The following OC90 variants were observed in gnomAD, a reference collection of about 807,000 sequenced individuals.
The protein encoded by OC90 is otoconin-90.
OC90 carries 46 observed loss-of-function variants against 47.3 expected under a neutral mutation model. That is an observed-to-expected ratio of 0.97 (90% CI 0.77 to 1.24). The LOEUF (loss-of-function observed/expected upper bound fraction) is 1.24. Ranked by LOEUF, OC90 falls within the 50% of genes most tolerant of loss-of-function variation. The pLI is 0.00. For missense variants in OC90, 688 were observed against 583.9 expected, an observed-to-expected ratio of 1.18 and a Z score of -1.84; for synonymous variants, 271 against 219.5, an observed-to-expected ratio of 1.23 and a Z score of -2.07.
rs753089708 is a variant in OC90, at chr8:132,024,706, A to C, written c.1209T>G (p.Ser403=). 20 of 1,613,718 alleles carry C rather than the reference A, an allele frequency of 1.2e-5. No homozygotes were observed. The East Asian group carries it at 4.2e-4, about 34-fold the overall frequency. Reference sequence around the variant, plus strand: ...ACTTGAGGCTTTGGTTAAAGGAGGCAGAGGTCATGCACTCAGCTGCCGTCT... The same window carrying C: ...ACTTGAGGCTTTGGTTAAAGGAGGCCGAGGTCATGCACTCAGCTGCCGTCT... ...CDQTAAECMT[S]ASFNQSLKSP... The change falls in exon 14 of 14, where the codon TCT becomes TCG. Residue 403 remains serine (S), a synonymous_variant. Coordinates refer to ENST00000254627, the MANE Select transcript of OC90 (RefSeq NM_001080399.3).
chr8:132,037,235 G>A (rs1217985445), intron 9 of OC90, among the ~76,000 whole-genome samples: 1 of 152,242 alleles, frequency 6.6e-6, no homozygotes, highest in Non-Finnish European at 1.5e-5. Context: ...ATGTTGAAAT[G>A]TAATCCCCAG....
In OC90 at chr8:132,024,722, G is replaced by A. The variant is rs769292569; in HGVS notation, c.1193C>T (p.Ala398Val). The A allele has an allele frequency of 6.2e-7, 1 of 1,613,818 alleles. No homozygotes were observed. Among genetic ancestry groups the A allele is most frequent in the South Asian group, 1.1e-5 (1 of 91,046 alleles). ...AAAGGAGGCAGAGGTCATGCACTCA[G>A]CTGCCGTCTGGTCACAGGCACAGAG... ...KLLCACDQTA[A>V]ECMTSASFNQ... The change falls in exon 14 of 14, where the codon GCT (alanine) becomes GTT (valine). Residue 398 changes from alanine (A) to valine (V), a missense_variant. Physicochemically the swap from Ala to Val is moderately conservative, Grantham distance 64. Coordinates refer to ENST00000254627, the MANE Select transcript of OC90 (RefSeq NM_001080399.3).
At chr8:132,028,601 G>GAAA (rs1822805117) in intron 13 of OC90, among the ~76,000 whole-genome samples, 1 of 7,990 alleles carries the variant, frequency 1.3e-4, no homozygotes, top group Non-Finnish European at 5.0e-4. Flanking sequence ...GAAGGAAGGA[G>GAAA]GGAAGGAGGG....
At chr8:132,054,943 G>A in intron 2 of OC90, 38 bp downstream of exon 2, 5 of 1,473,640 alleles carry the variant, frequency 3.4e-6, no homozygotes, top group Non-Finnish European at 4.6e-6. Flanking sequence ...GTAATTACAT[G>A]CTAAGCTGGA....
At chr8:132,052,390 G>T (rs1405782211) in intron 2 of OC90, among the ~76,000 whole-genome samples, 1 of 152,184 alleles carries the variant, frequency 6.6e-6, no homozygotes, top group African/African-American at 2.4e-5. Context: ...GCCCACTTCA[G>T]CAGCAATAGT....
chr8:132,055,769 G>T (rs1823272977), intron 1 of OC90, among the ~76,000 whole-genome samples: 4 of 152,154 alleles, frequency 2.6e-5, no homozygotes, highest in Admixed American at 2.6e-4. Context: ...TGGGGGCAAA[G>T]GGGAGAAGCG....
At chr8:132,051,021 C>G (rs1823206197) in intron 2 of OC90, among the ~76,000 whole-genome samples, 1 of 152,124 alleles carries the variant, frequency 6.6e-6, no homozygotes, top group African/African-American at 2.4e-5. Context: ...GATAATATAA[C>G]TGCATAATTC....
At chr8:132,056,415 C>G (rs765009879) in intron 1 of OC90, among the ~76,000 whole-genome samples, 3 of 152,166 alleles carry the variant, frequency 2.0e-5, no homozygotes, top group Non-Finnish European at 4.4e-5. Context: ...CAGGGTCTAG[C>G]ACAAGCTCTG....
At chr8:132,024,879 C>T in intron 13 of OC90, 103 bp from the exon 14 acceptor site, 2 of 948,606 alleles carry the variant, frequency 2.1e-6, no homozygotes, top group Non-Finnish European at 3.1e-6. Flanking sequence ...TCCTCCCCAT[C>T]TTCCACACAC....
chr8:132,047,764 A>C (rs1319407197), intron 2 of OC90, among the ~76,000 whole-genome samples: 21 of 152,206 alleles, frequency 1.4e-4, no homozygotes, highest in Middle Eastern at 3.2e-3. Context: ...AAAATTGTAA[A>C]ACAGTAAACA....
chr8:132,029,338 G>A (rs910251323), intron 12 of OC90, among the ~76,000 whole-genome samples, 159 bp from the exon 13 acceptor site: 5 of 152,152 alleles, frequency 3.3e-5, no homozygotes, highest in Admixed American at 6.5e-5. Context: ...ACCAAGGGCC[G>A]TCGTGTATGG....
chr8:132,028,956 A>C, intron 13 of OC90, 117 bp downstream of exon 13: 1 of 680,358 alleles, frequency 1.5e-6, no homozygotes. Context: ...AGAAAGAAAG[A>C]AGAAAAGAGT....
At chr8:132,045,537 T>G (rs934921757) in intron 3 of OC90, among the ~76,000 whole-genome samples, 1 of 152,222 alleles carries the variant, frequency 6.6e-6, no homozygotes, top group African/African-American at 2.4e-5. Context: ...TATATAACCT[T>G]CACGTCAGCC....
At chr8:132,051,148 G>C (rs1823207887) in intron 2 of OC90, among the ~76,000 whole-genome samples, 1 of 152,170 alleles carries the variant, frequency 6.6e-6, no homozygotes, top group Non-Finnish European at 1.5e-5. Context: ...CTAGAGATGA[G>C]AAAACTGTTG....
At chr8:132,037,831 T>TA (rs1404103160) in intron 8 of OC90, among the ~76,000 whole-genome samples, 1 of 152,084 alleles carries the variant, frequency 6.6e-6, no homozygotes, top group African/African-American at 2.4e-5. Context: ...GTGTTGAGGA[T>TA]AAAAACAGTG....
At chr8:132,035,892 T>A (rs772714443) in intron 9 of OC90, among the ~76,000 whole-genome samples, 36 of 152,234 alleles carry the variant, frequency 2.4e-4, no homozygotes, top group Non-Finnish European at 4.8e-4. Context: ...AATGATATGC[T>A]GGCACATAGG....
chr8:132,038,594 GC>G (rs1823004582), intron 8 of OC90, among the ~76,000 whole-genome samples, 195 bp downstream of exon 8: 1 of 152,220 alleles, frequency 6.6e-6, no homozygotes, highest in East Asian at 1.9e-4. Context: ...TTGCACTGGG[GC>G]CATTTGATGT....
chr8:132,030,584 G>T (rs1343657993), intron 12 of OC90, among the ~76,000 whole-genome samples: 1 of 152,132 alleles, frequency 6.6e-6, no homozygotes, highest in Non-Finnish European at 1.5e-5. Context: ...CAAAAACCTT[G>T]ACACTATTTA....
chr8:132,054,927 A>T, intron 2 of OC90, 54 bp downstream of exon 2: 1 of 1,343,250 alleles, frequency 7.4e-7, no homozygotes, highest in Non-Finnish European at 1.0e-6. Flanking sequence ...ACAGTATTCA[A>T]ATGAAGTAAT....
Sources: gnomAD v4.1 joint callset for allele counts (sites outside exome capture counted in the v4.1 genomes callset) on GRCh38, gnomAD v4.1.1 for gene constraint, MANE v1.5 for transcripts, NCBI Gene and HGNC (gene_info 2026-07-23, HGNC 2026-07-21) for gene names.